EYS: variants seen among roughly 807,000 people sequenced by gnomAD.
The protein encoded by EYS is EGF-like photoreceptor maintenance factor.
EYS carries 250 observed loss-of-function variants against 282.1 expected under a neutral mutation model. That is an observed-to-expected ratio of 0.89 (90% confidence interval 0.80 to 0.98). EYS has a LOEUF of 0.98. Ranked by LOEUF, EYS falls within the 50% of genes least tolerant of loss-of-function variation. The pLI, the probability that EYS is intolerant of heterozygous loss-of-function variation, is 0.00. For synonymous variants in EYS, 1,355 were observed against 1,282.9 expected, an observed-to-expected ratio of 1.06 and a Z score of -1.20; for missense variants, 4,016 against 3,709.0, an observed-to-expected ratio of 1.08 and a Z score of -2.15.
chr6:65,149,851 T>C (rs1183491505), intron 12 of EYS, among the ~76,000 whole-genome samples: 3 of 152,092 alleles, frequency 2.0e-5, no homozygotes, highest in African/African-American at 7.2e-5. Context: ...AAAGACTGGG[T>C]AATTTATAAA....
At chr6:65,040,606 C>A (rs1304642628) in intron 13 of EYS, among the ~76,000 whole-genome samples, 2 of 151,606 alleles carry the variant, frequency 1.3e-5, no homozygotes, top group East Asian at 3.9e-4. Flanking sequence ...AAAAATTTAG[C>A]ACATAGTATA....
At chr6:64,124,855 A>G (rs1773708714) in intron 31 of EYS, among the ~76,000 whole-genome samples, 1 of 151,372 alleles carries the variant, frequency 6.6e-6, no homozygotes, top group South Asian at 2.1e-4. Context: ...AGAGGAAATG[A>G]GAGAAGAAGA....
At chr6:65,500,693 T>C (rs79767995) in intron 2 of EYS, among the ~76,000 whole-genome samples, 1 of 152,020 alleles carries the variant, frequency 6.6e-6, no homozygotes, top group South Asian at 2.1e-4. Flanking sequence ...GCCTTCACAT[T>C]ATAGTATCCT....
intron 29 of EYS, among the ~76,000 whole-genome samples, chr6:64,332,502 G>T (rs922644979): frequency 6.6e-6 from 1 of 152,252 alleles, no homozygotes; most frequent in African/African-American, 2.4e-5. Flanking sequence ...TTGTGATCTT[G>T]TCTACCTCAC....
intron 31 of EYS, among the ~76,000 whole-genome samples, chr6:64,152,232 C>A (rs991326638): frequency 2.0e-5 from 3 of 152,022 alleles, no homozygotes; most frequent in African/African-American, 7.2e-5. Flanking sequence ...TAGTGCTGGA[C>A]AAGTTGTAAA....
intron 2 of EYS, among the ~76,000 whole-genome samples, chr6:65,537,156 A>G (rs1767990037): frequency 6.6e-6 from 1 of 152,084 alleles, no homozygotes; most frequent in South Asian, 2.1e-4. Context: ...GTGAGAACAC[A>G]CGGATACAGG....
chr6:65,453,635 C>G (rs1473848133), intron 5 of EYS, among the ~76,000 whole-genome samples: 2 of 151,984 alleles, frequency 1.3e-5, no homozygotes, highest in African/African-American at 4.8e-5. Context: ...TTCTTTCTAT[C>G]TAATTGTATC....
chr6:64,968,537 G>A (rs1056561297), intron 14 of EYS, among the ~76,000 whole-genome samples: 3 of 151,950 alleles, frequency 2.0e-5, no homozygotes, highest in African/African-American at 7.3e-5. Context: ...CTTTTGAATT[G>A]TTACCTGAGA....
chr6:64,013,905 AAG>A (rs1253092003), intron 33 of EYS, among the ~76,000 whole-genome samples: 1 of 152,160 alleles, frequency 6.6e-6, no homozygotes, highest in Non-Finnish European at 1.5e-5. Context: ...TGTAAGTTCT[AAG>A]AATATTACCC....
chr6:64,972,849 T>G (rs1390510154), intron 14 of EYS, among the ~76,000 whole-genome samples: 1 of 152,040 alleles, frequency 6.6e-6, no homozygotes, highest in Non-Finnish European at 1.5e-5. Flanking sequence ...CCAATAAATA[T>G]TAATACTAGG....
intron 29 of EYS, among the ~76,000 whole-genome samples, chr6:64,342,114 T>C (rs974697164): frequency 1.8e-4 from 28 of 151,624 alleles, no homozygotes; most frequent in Admixed American, 1.3e-3. Context: ...AGTATAATTA[T>C]AGCATAGTTA....
intron 19 of EYS, among the ~76,000 whole-genome samples, chr6:64,861,850 T>G (rs191100444): frequency 6.6e-6 from 1 of 152,296 alleles, no homozygotes; most frequent in African/African-American, 2.4e-5. Context: ...TTACCTTCAT[T>G]TACTCCTCTA....
chr6:64,544,240 G>A (rs1003623373), intron 26 of EYS, among the ~76,000 whole-genome samples: 1 of 152,090 alleles, frequency 6.6e-6, no homozygotes, highest in Non-Finnish European at 1.5e-5. Flanking sequence ...AATACAATTT[G>A]GAATAAGTTG....
At chr6:65,142,888 C>T (rs966459553) in intron 12 of EYS, among the ~76,000 whole-genome samples, 4 of 151,834 alleles carry the variant, frequency 2.6e-5, no homozygotes, top group Non-Finnish European at 5.9e-5. Context: ...TCTGAAACTG[C>T]CCAAAATATC....
chr6:64,583,134 A>T (rs1766127713), intron 26 of EYS, among the ~76,000 whole-genome samples: 1 of 152,152 alleles, frequency 6.6e-6, no homozygotes, highest in Non-Finnish European at 1.5e-5. Context: ...GTAGTAAAGT[A>T]ACTTGGAGAG....
intron 11 of EYS, among the ~76,000 whole-genome samples, chr6:65,298,526 G>A (rs1228072779): frequency 6.6e-6 from 1 of 151,754 alleles, no homozygotes; most frequent in Non-Finnish European, 1.5e-5. Context: ...GAGCTTTAAT[G>A]TCCTCAAGAG....
chr6:65,513,469 T>C (rs1426162543), intron 2 of EYS, among the ~76,000 whole-genome samples: 26 of 151,424 alleles, frequency 1.7e-4, no homozygotes, highest in African/African-American at 5.6e-4. Flanking sequence ...ATACCAAAGC[T>C]GGGCAGAGAC....
intron 36 of EYS, among the ~76,000 whole-genome samples, chr6:63,838,564 A>G (rs866389670): frequency 1.6e-4 from 25 of 152,052 alleles, no homozygotes; most frequent in African/African-American, 5.8e-4. Context: ...GAAATGTTCT[A>G]TAGTCTTCTG....
intron 5 of EYS, among the ~76,000 whole-genome samples, chr6:65,411,498 A>G (rs1247378094): frequency 6.6e-6 from 1 of 152,062 alleles, no homozygotes; most frequent in Non-Finnish European, 1.5e-5. Flanking sequence ...TGGCATTAGC[A>G]TAATATTTGG....
Sources: gnomAD v4.1 joint callset for allele counts (sites outside exome capture counted in the v4.1 genomes callset) on GRCh38, gnomAD v4.1.1 for gene constraint, MANE v1.5 for transcripts, NCBI Gene and HGNC (gene_info 2026-07-23, HGNC 2026-07-21) for gene names.